Variants in GPR149 observed in about 807,000 individuals in gnomAD.
GPR149 encodes the protein probable G protein-coupled receptor 149.
GPR149 carries 50 observed loss-of-function variants against 50.2 expected under a neutral mutation model. The ratio of observed to expected loss-of-function variants is 1.00; its 90% confidence interval spans 0.79 to 1.26. GPR149 has a LOEUF of 1.26. Among genes scored for constraint, GPR149 ranks in the 50% most tolerant of loss-of-function variants. The pLI, the probability that GPR149 is intolerant of heterozygous loss-of-function variation, is 0.00. For missense variants in GPR149, 983 were observed against 895.4 expected, an observed-to-expected ratio of 1.10 and a Z score of -1.25; for synonymous variants, 405 against 358.2, an observed-to-expected ratio of 1.13 and a Z score of -1.48.
intron 3 of GPR149, among the ~76,000 whole-genome samples, chr3:154,345,110 C>G (rs565327044): frequency 5.5e-4 from 83 of 152,282 alleles, no homozygotes; most frequent in African/African-American, 1.9e-3. Context: ...CAGTGTCTGG[C>G]ATATGACAGG....
At chr3:154,388,327 C>A (rs928310355) in intron 3 of GPR149, among the ~76,000 whole-genome samples, 1 of 151,978 alleles carries the variant, frequency 6.6e-6, no homozygotes, top group African/African-American at 2.4e-5. Context: ...CACACACACA[C>A]CCTTATGGAC....
chr3:154,346,073 T>C (rs1334720324), intron 3 of GPR149, among the ~76,000 whole-genome samples: 1 of 152,208 alleles, frequency 6.6e-6, no homozygotes, highest in Non-Finnish European at 1.5e-5. Flanking sequence ...TAGAATTCTG[T>C]CACTAACTCA....
In GPR149 at chr3:154,427,441, C is replaced by CT. The variant is rs200423738; in HGVS notation, c.1174+74dup. 2.8e-3 allele frequency: 3,888 copies of CT among 1,383,134 alleles called. 69 individuals are homozygous for CT. The African/African-American group carries it at 0.04, about 14-fold the overall frequency. The allele number at this position is 1,383,134 out of a possible 1,614,324, so 85.7% of individuals were successfully genotyped here. On this transcript the variant is annotated intron_variant, in intron 2 of 3. Coordinates refer to ENST00000389740, the MANE Select transcript of GPR149 (RefSeq NM_001038705.3). ...GACTCTCCATCCCCTACTGAGGCAA[C>CT]TTTGTTAATAGACCACTTTTCTGAA...
In GPR149 at chr3:154,351,551, A is replaced by G. The variant is rs149810754; in HGVS notation, c.1624-13280T>C. Among the ~76,000 whole-genome samples, 36 of 152,280 alleles carry G rather than the reference A, an allele frequency of 2.4e-4. No individual in the cohort carries two copies. In the East Asian group the frequency reaches 6.2e-3, roughly 26 times the overall value. On this transcript the variant is annotated intron_variant, in intron 3 of 3. Coordinates refer to ENST00000389740, the MANE Select transcript of GPR149 (RefSeq NM_001038705.3). ...TTGATAAACTGGACTTCATTAAATTAAAAACTTGTTTTGTGCAAATGCAAA... is the reference window on the plus strand; with the variant it reads ...TTGATAAACTGGACTTCATTAAATTGAAAACTTGTTTTGTGCAAATGCAAA...
chr3:154,406,390 A>G (rs1711685385), intron 3 of GPR149, among the ~76,000 whole-genome samples: 1 of 152,160 alleles, frequency 6.6e-6, no homozygotes, highest in South Asian at 2.1e-4. Flanking sequence ...TTTTTATTTG[A>G]CCGAGAAACT....
chr3:154,425,930 C>T (rs1181977395), intron 2 of GPR149, among the ~76,000 whole-genome samples: 1 of 151,672 alleles, frequency 6.6e-6, no homozygotes, highest in Non-Finnish European at 1.5e-5. Context: ...AAATGACTGC[C>T]TTCAACCAAT....
At chr3:154,388,444 T>A (rs1311177825) in intron 3 of GPR149, among the ~76,000 whole-genome samples, 2 of 152,166 alleles carry the variant, frequency 1.3e-5, no homozygotes, top group Non-Finnish European at 2.9e-5. Flanking sequence ...TCTGTCTCTG[T>A]CTCTCTTTCT....
At chr3:154,403,026 C>T (rs764134436) in intron 3 of GPR149, among the ~76,000 whole-genome samples, 5 of 151,958 alleles carry the variant, frequency 3.3e-5, no homozygotes, top group Admixed American at 2.6e-4. Flanking sequence ...CTATATGAAC[C>T]CAAAATATTA....
intron 3 of GPR149, among the ~76,000 whole-genome samples, chr3:154,386,809 A>T (rs1210814614): frequency 6.6e-6 from 1 of 152,204 alleles, no homozygotes; most frequent in Non-Finnish European, 1.5e-5. Context: ...ATAATGTTAT[A>T]ATTTTTTCTT....
At chr3:154,387,579 A>C (rs1327585548) in intron 3 of GPR149, among the ~76,000 whole-genome samples, 1 of 152,198 alleles carries the variant, frequency 6.6e-6, no homozygotes. Context: ...ATTTTGGTAG[A>C]GTATGAGTCA....
At chr3:154,400,817 G>A (rs778608874) in intron 3 of GPR149, among the ~76,000 whole-genome samples, 1 of 152,202 alleles carries the variant, frequency 6.6e-6, no homozygotes, top group Non-Finnish European at 1.5e-5. Flanking sequence ...CAAAGCCCGT[G>A]CTCTACCTGC....
intron 3 of GPR149, among the ~76,000 whole-genome samples, chr3:154,345,793 T>C (rs1292934600): frequency 6.6e-6 from 1 of 152,184 alleles, no homozygotes; most frequent in Non-Finnish European, 1.5e-5. Flanking sequence ...TCTGAATCAT[T>C]CAATTTTAGA....
chr3:154,358,575 A>C (rs1714302516), intron 3 of GPR149, among the ~76,000 whole-genome samples: 1 of 152,202 alleles, frequency 6.6e-6, no homozygotes, highest in Non-Finnish European at 1.5e-5. Context: ...TTATCCTTCC[A>C]AAATATATGA....
intron 3 of GPR149, among the ~76,000 whole-genome samples, chr3:154,374,969 T>C (rs1006465978): frequency 9.2e-5 from 14 of 152,240 alleles, no homozygotes; most frequent in African/African-American, 3.4e-4. Flanking sequence ...AAGATAAGTA[T>C]TTAGAATTAG....
intron 3 of GPR149, 102 bp downstream of exon 3, chr3:154,420,937 T>A: frequency 1.2e-6 from 1 of 809,276 alleles, no homozygotes; most frequent in Middle Eastern, 2.3e-4. Context: ...GTGAAGTTAA[T>A]GTTGGGCTTG....
rs374265602 is a variant in GPR149 at position 154,428,725 on chromosome 3, A to G, written c.891T>C (p.Tyr297=). The change falls in exon 1 of 4, where the codon TAT becomes TAC. Residue 297 remains tyrosine, a synonymous_variant. Coordinates refer to ENST00000389740, the MANE Select transcript of GPR149 (RefSeq NM_001038705.3). ...CGCTCACGGTGAAGCTCCTGGTGCC[A>G]TAGAGAGTCCCCCGGTTCTCACGCC... ...ACRRENRGTL[Y]GTRSFTVSVA... is the part of the protein sequence containing the mutation. 3.1e-6 allele frequency: 5 copies of G among 1,614,016 alleles called. No individual in the cohort carries two copies. Among genetic ancestry groups the G allele is most frequent in the Non-Finnish European group, 4.2e-6 (5 of 1,180,044 alleles).
chr3:154,403,151 T>C (rs1300740293), intron 3 of GPR149, among the ~76,000 whole-genome samples: 2 of 152,192 alleles, frequency 1.3e-5, no homozygotes, highest in Non-Finnish European at 2.9e-5. Flanking sequence ...GATAGAAACA[T>C]GAAGGATAAC....
chr3:154,362,479 C>T (rs1294079906), intron 3 of GPR149, among the ~76,000 whole-genome samples: 1 of 152,038 alleles, frequency 6.6e-6, no homozygotes, highest in Admixed American at 6.6e-5. Context: ...AGCTGAAACA[C>T]TTAAAAACTA....
chr3:154,363,056 T>C (rs1475301705), intron 3 of GPR149, among the ~76,000 whole-genome samples: 2 of 152,114 alleles, frequency 1.3e-5, no homozygotes, highest in Non-Finnish European at 2.9e-5. Flanking sequence ...GCATGGCATA[T>C]TCAAGGAAAT....
Sources: allele counts gnomAD v4.1 joint callset (sites outside exome capture counted in the v4.1 genomes callset), GRCh38; gene constraint gnomAD v4.1.1; transcripts MANE v1.5; gene names NCBI Gene and HGNC (gene_info 2026-07-23, HGNC 2026-07-21).